TMPRSS15: variants seen among roughly 807,000 people sequenced by gnomAD.
TMPRSS15 encodes transmembrane serine protease 15.
TMPRSS15 carries 128 observed loss-of-function variants against 125.3 expected under a neutral mutation model. The observed-to-expected ratio is 1.02, with a 90% CI of 0.89 to 1.18. The LOEUF (loss-of-function observed/expected upper bound fraction) is 1.18. Among genes scored for constraint, TMPRSS15 ranks in the 50% most tolerant of loss-of-function variants. TMPRSS15 has a pLI of 0.00. For synonymous variants in TMPRSS15, 446 were observed against 423.2 expected (o/e 1.05, Z -0.66); for missense variants, 1,283 against 1,212.7 (o/e 1.06, Z -0.86).
chr21:18,391,008 C>T (rs1369543997), intron 3 of TMPRSS15, among the ~76,000 whole-genome samples: 1 of 152,154 alleles, frequency 6.6e-6, no homozygotes, highest in East Asian at 1.9e-4. Flanking sequence ...CTCATAAGAA[C>T]TCACACACTG....
intron 6 of TMPRSS15, among the ~76,000 whole-genome samples, chr21:18,368,020 C>T (rs2075755321): frequency 6.6e-6 from 1 of 152,038 alleles, no homozygotes; most frequent in Non-Finnish European, 1.5e-5. Context: ...AGATTTCCAT[C>T]TTTTTCAATG....
intron 8 of TMPRSS15, 149 bp downstream of exon 8, chr21:18,359,607 AT>A (rs2075659407): frequency 2.0e-6 from 1 of 495,692 alleles, no homozygotes; most frequent in Admixed American, 3.7e-5. Context: ...TAATTTTCTA[AT>A]TTTTATAATG....
At chr21:18,283,979 C>T (rs990813240) in intron 21 of TMPRSS15, among the ~76,000 whole-genome samples, 4 of 152,104 alleles carry the variant, frequency 2.6e-5, no homozygotes, top group Admixed American at 2.0e-4. Flanking sequence ...ATTAAATATA[C>T]GTGCTTCAAG....
chr21:18,406,200 T>C (rs181639426), upstream of TMPRSS15, among the ~76,000 whole-genome samples: 1 of 152,250 alleles, frequency 6.6e-6, no homozygotes, highest in East Asian at 1.9e-4. Context: ...ATAAGTCTGC[T>C]TGGGACCTGC....
At chr21:18,419,471 T>C (rs925837469) in intron 1 of TMPRSS15, among the ~76,000 whole-genome samples, 5 of 152,128 alleles carry the variant, frequency 3.3e-5, no homozygotes, top group African/African-American at 7.2e-5. Flanking sequence ...GTGATCCACC[T>C]GCCTCAGCCT....
intron 3 of TMPRSS15, among the ~76,000 whole-genome samples, chr21:18,388,811 G>A (rs758663212): frequency 1.3e-5 from 2 of 152,062 alleles, no homozygotes; most frequent in Admixed American, 6.6e-5. Flanking sequence ...ACAAAATAAA[G>A]ACTAAGTACG....
rs185587212 is a variant in TMPRSS15 at position 18,345,261 on chromosome 21, A to C, written c.1172-1201T>G. On this transcript the variant is annotated intron_variant, in intron 10 of 24. Transcript: ENST00000284885. ...TTACTCCTATTTTATATAATGCTGT[A>C]ATATTTCATGAGTACATATCTTAGC... 3.2e-3 allele frequency among the ~76,000 whole-genome samples: 488 copies of C among 152,310 alleles called. 1 individual carries two copies. Among genetic ancestry groups the C allele is most frequent in the Middle Eastern group, 6.8e-3 (2 of 294 alleles).
At chr21:18,293,477 C>T (rs1336405087) in intron 21 of TMPRSS15, among the ~76,000 whole-genome samples, 6 of 152,128 alleles carry the variant, frequency 3.9e-5, no homozygotes, top group Admixed American at 6.6e-5. Flanking sequence ...CAAGCTCATA[C>T]GTATTATATG....
intron 15 of TMPRSS15, 92 bp downstream of exon 15, chr21:18,329,077 A>C: frequency 6.7e-7 from 1 of 1,483,994 alleles, no homozygotes; most frequent in Non-Finnish European, 9.3e-7. Flanking sequence ...GCAAGTTGTA[A>C]AAGAGTGATT....
chr21:18,297,702 C>A, intron 19 of TMPRSS15, 32 bp downstream of exon 19: 1 of 1,515,134 alleles, frequency 6.6e-7, no homozygotes, highest in East Asian at 2.3e-5. Context: ...TGTCTATGTA[C>A]AACTAGTCTA....
chr21:18,294,135 T>C (rs1052610590), intron 21 of TMPRSS15, 135 bp downstream of exon 21: 1 of 1,039,510 alleles, frequency 9.6e-7, no homozygotes, highest in African/African-American at 1.6e-5. Flanking sequence ...GGGAAAATAA[T>C]TGGAATGTTT....
At chr21:18,295,795 C>T (rs1389633064) in intron 19 of TMPRSS15, among the ~76,000 whole-genome samples, 1 of 152,142 alleles carries the variant, frequency 6.6e-6, no homozygotes, top group Non-Finnish European at 1.5e-5. Flanking sequence ...AATTAACTCC[C>T]CTTTTTTTCA....
Position 18,482,951 on chromosome 21 carries a change from T to C in TMPRSS15, c.10+2848A>G, listed in dbSNP as rs966313405. On this transcript the variant is annotated intron_variant, in intron 1 of 7. Coordinates refer to the TMPRSS15 transcript ENST00000422787. ...TAAACAAGACTTCTTTATAACCTCTTTGTCTCTTTGCTTCCATTCTTTTAG... is the reference window on the plus strand; with the variant it reads ...TAAACAAGACTTCTTTATAACCTCTCTGTCTCTTTGCTTCCATTCTTTTAG... Among the ~76,000 whole-genome samples, 6 of 151,824 alleles carry C rather than the reference T, an allele frequency of 4.0e-5. No homozygotes were observed. The East Asian group carries it at 9.6e-4, about 24-fold the overall frequency.
At chr21:18,444,170 C>A (rs1377944296) in intron 1 of TMPRSS15, among the ~76,000 whole-genome samples, 2 of 152,180 alleles carry the variant, frequency 1.3e-5, no homozygotes, top group Non-Finnish European at 2.9e-5. Flanking sequence ...AGGGTTGCAG[C>A]AGCCTGTTGC....
chr21:18,363,931 T>C (rs2075701592), intron 7 of TMPRSS15, among the ~76,000 whole-genome samples: 7 of 152,094 alleles, frequency 4.6e-5, no homozygotes, highest in Admixed American at 4.6e-4. Context: ...TTAGTTGTAT[T>C]ACATATCTCT....
At chr21:18,272,144 G>A (rs2074564891) in intron 24 of TMPRSS15, among the ~76,000 whole-genome samples, 1 of 152,188 alleles carries the variant, frequency 6.6e-6, no homozygotes, top group African/African-American at 2.4e-5. Flanking sequence ...TTGCCACGCT[G>A]TCTTCCACAA....
chr21:18,446,900 C>A lies in TMPRSS15; in HGVS notation c.10+38899G>T, dbSNP rs576939278. ...GTTTGTTTGTTTGTTTTTTATATAA[C>A]CCCAAAAAACATAGGCAACAAATAT... On this transcript the variant is annotated intron_variant, in intron 1 of 7. Transcript: ENST00000422787. Among the ~76,000 whole-genome samples the A allele has an allele frequency of 9.5e-3, 1,000 of 104,796 alleles. 15 individuals carry two copies. Among genetic ancestry groups the A allele is most frequent in the African/African-American group, 0.03 (948 of 31,482 alleles). 68.8% of individuals were successfully genotyped at this position (104,796 alleles called of 152,430 possible). A position where few individuals can be genotyped will look rare whatever the true frequency, so the allele number is the denominator to read the frequency against.
intron 3 of TMPRSS15, among the ~76,000 whole-genome samples, chr21:18,389,878 C>A (rs2075976598): frequency 6.6e-6 from 1 of 152,146 alleles, no homozygotes; most frequent in African/African-American, 2.4e-5. Context: ...TTGTTCCTTA[C>A]CTGAGATGTG....
chr21:18,388,576 A>C (rs2075965430), intron 3 of TMPRSS15, among the ~76,000 whole-genome samples: 1 of 152,198 alleles, frequency 6.6e-6, no homozygotes, highest in African/African-American at 2.4e-5. Context: ...TATGGATTTC[A>C]CTAGGCAAAG....
Sources: allele counts gnomAD v4.1 joint callset (sites outside exome capture counted in the v4.1 genomes callset), GRCh38; gene constraint gnomAD v4.1.1; transcripts MANE v1.5; gene names NCBI Gene and HGNC (gene_info 2026-07-23, HGNC 2026-07-21).